The following IGSF11 variants were observed in gnomAD, a reference collection of about 807,000 sequenced individuals.
IGSF11 encodes the protein immunoglobulin superfamily member 11.
IGSF11 carries 22 observed loss-of-function variants against 41.0 expected under a neutral mutation model. That is an observed-to-expected ratio of 0.54 (90% CI 0.38 to 0.77). The LOEUF is 0.77. IGSF11 is among the 30% of genes least tolerant of loss of function. The pLI, the probability that IGSF11 is intolerant of heterozygous loss-of-function variation, is 0.00. For missense variants in IGSF11, 444 were observed against 530.8 expected, an observed-to-expected ratio of 0.84 and a Z score of 1.61; for synonymous variants, 219 against 201.3, an observed-to-expected ratio of 1.09 and a Z score of -0.74.
chr3:119,106,347 TC>T (rs914469235), upstream of IGSF11, among the ~76,000 whole-genome samples: 2 of 152,084 alleles, frequency 1.3e-5, no homozygotes, highest in African/African-American at 4.8e-5. Flanking sequence ...CATCACCATT[TC>T]CCCCCGAACT....
rs1408687187 is a variant in IGSF11, at chr3:118,917,568, A to G, written c.580+8533T>C. On this transcript the variant is annotated intron_variant, in intron 4 of 6. Transcript: ENST00000393775. ...CAAGACTAAACCAGGAAGAAGTTGA[A>G]TCTCTGAATAGACCAATAACAGGAG... Among the ~76,000 whole-genome samples, 227 of 115,954 alleles carry G rather than the reference A, an allele frequency of 2.0e-3. 1 individual carries two copies. Among genetic ancestry groups the G allele is most frequent in the African/African-American group, 7.9e-3 (199 of 25,222 alleles). 76.1% of individuals were successfully genotyped at this position (115,954 alleles called of 152,430 possible).
At chr3:119,065,765 C>G (rs1942211361) in intron 1 of IGSF11, among the ~76,000 whole-genome samples, 1 of 139,276 alleles carries the variant, frequency 7.2e-6, no homozygotes, top group Admixed American at 7.7e-5. Context: ...TGCACTCCAG[C>G]CTGGGTGACA....
chr3:118,997,533 C>A (rs73856930), intron 1 of IGSF11, among the ~76,000 whole-genome samples: 9 of 143,316 alleles, frequency 6.3e-5, no homozygotes, highest in East Asian at 2.3e-4. Flanking sequence ...GCTGCCCCCC[C>A]CCAGCCACAC....
At chr3:118,939,896 G>A (rs545960774) in intron 1 of IGSF11, among the ~76,000 whole-genome samples, 1 of 152,024 alleles carries the variant, frequency 6.6e-6, no homozygotes, top group Admixed American at 6.5e-5. Flanking sequence ...AAACAACAGG[G>A]TAAATCAATA....
At chr3:119,142,925 G>C (rs2077669063) in intron 1 of IGSF11, among the ~76,000 whole-genome samples, 1 of 152,134 alleles carries the variant, frequency 6.6e-6, no homozygotes. Context: ...ATTCATGGAA[G>C]TGAGAAAGCA....
chr3:119,126,760 C>A (rs1187762864), intron 1 of IGSF11, among the ~76,000 whole-genome samples: 1 of 152,092 alleles, frequency 6.6e-6, no homozygotes, highest in Non-Finnish European at 1.5e-5. Flanking sequence ...CCCCAGCAAA[C>A]TGCAGCAGCC....
chr3:118,953,008 G>A (rs1300969971), intron 1 of IGSF11, among the ~76,000 whole-genome samples: 4 of 152,020 alleles, frequency 2.6e-5, no homozygotes, highest in African/African-American at 9.7e-5. Flanking sequence ...CACCTGAGCA[G>A]TATACACTGT....
chr3:118,963,034 A>G (rs1945447491), intron 1 of IGSF11, among the ~76,000 whole-genome samples: 1 of 152,130 alleles, frequency 6.6e-6, no homozygotes, highest in African/African-American at 2.4e-5. Flanking sequence ...AGATGATTGG[A>G]CAATTAGAAG....
intron 1 of IGSF11, among the ~76,000 whole-genome samples, chr3:118,934,980 T>C (rs1943128586): frequency 6.6e-6 from 1 of 152,080 alleles, no homozygotes; most frequent in Non-Finnish European, 1.5e-5. Context: ...CTTAGTAACC[T>C]ACTCATCATT....
At chr3:119,108,442 TC>T (rs1208005779), upstream of IGSF11, among the ~76,000 whole-genome samples, 2 of 137,978 alleles carry the variant, frequency 1.4e-5, no homozygotes, top group East Asian at 4.3e-4. Flanking sequence ...TGATTTTGTA[TC>T]CTGAGACTTT....
intron 1 of IGSF11, among the ~76,000 whole-genome samples, chr3:119,029,842 T>C (rs935809863): frequency 6.6e-6 from 1 of 152,210 alleles, no homozygotes; most frequent in Non-Finnish European, 1.5e-5. Flanking sequence ...GGCCCCAATA[T>C]ATTAGAGTTA....
chr3:118,908,348 C>G (rs1403675834), intron 4 of IGSF11, among the ~76,000 whole-genome samples: 2 of 152,102 alleles, frequency 1.3e-5, no homozygotes, highest in Non-Finnish European at 2.9e-5. Context: ...GTAGATTTAA[C>G]TTGGAATATA....
At position 119,113,975 on chromosome 3, in the gene IGSF11, C is replaced by A. The variant is rs2077220939; in HGVS notation, c.-13-8770G>T. ...GGCTTACAGATTGCATCCTTTGAAGCAGTGACCTGAGACATATCTGGGGCC... is the reference window on the plus strand; with the variant it reads ...GGCTTACAGATTGCATCCTTTGAAGAAGTGACCTGAGACATATCTGGGGCC... On this transcript the variant is annotated intron_variant, in intron 1 of 7. Transcript: ENST00000425327. 1.3e-5 allele frequency among the ~76,000 whole-genome samples: 2 copies of A among 152,368 alleles called. 1 individual carries two copies. The highest frequency in any genetic ancestry group is 4.1e-4 in the South Asian group (2 of 4,834).
At chr3:118,983,839 A>G (rs1934983594) in intron 1 of IGSF11, among the ~76,000 whole-genome samples, 2 of 152,318 alleles carry the variant, frequency 1.3e-5, no homozygotes, top group Admixed American at 6.5e-5. Flanking sequence ...AAAAAGTAAT[A>G]TAATTATTTT....
intron 4 of IGSF11, among the ~76,000 whole-genome samples, chr3:118,910,678 C>A (rs1041227837): frequency 1.3e-5 from 2 of 152,198 alleles, no homozygotes; most frequent in Admixed American, 6.5e-5. Context: ...CTTTCACAAT[C>A]TGGACTTCAC....
In IGSF11 at chr3:118,902,556, C is replaced by T; in HGVS notation, c.1260G>A (p.Met420Ile). The T allele has an allele frequency of 6.2e-7, 1 of 1,611,984 alleles. No individual in the cohort carries two copies. Among genetic ancestry groups the T allele is most frequent in the East Asian group, 2.2e-5 (1 of 44,728 alleles). Residue 420 changes from methionine (M) to isoleucine (I), a missense_variant, in exon 7 of 7, where the codon ATG (methionine) becomes ATA (isoleucine). Coordinates refer to ENST00000393775, the MANE Select transcript of IGSF11 (RefSeq NM_001015887.3). ...ACCCGGCCCGACTCTGGGCTGGTAC[C>T]ATGACAGGTACTGCACCAATTCGTT... ...TLERIGAVPVMVPAQSRAGSL... is the reference protein window; with the variant it reads ...TLERIGAVPVIVPAQSRAGSL...
At chr3:119,112,248 C>T (rs531713829) in intron 1 of IGSF11, among the ~76,000 whole-genome samples, 1 of 152,332 alleles carries the variant, frequency 6.6e-6, no homozygotes, top group East Asian at 1.9e-4. Flanking sequence ...GGGCTCCACC[C>T]AGCTCGAGCT....
chr3:119,054,196 A>C (rs1053205527), intron 1 of IGSF11, among the ~76,000 whole-genome samples: 4 of 152,388 alleles, frequency 2.6e-5, no homozygotes, highest in Middle Eastern at 6.8e-3. Flanking sequence ...GCTTCTGCAC[A>C]GCAAAAGAAA....
chr3:119,139,312 T>A (rs2077606908), intron 1 of IGSF11, among the ~76,000 whole-genome samples: 1 of 152,118 alleles, frequency 6.6e-6, no homozygotes, highest in South Asian at 2.1e-4. Context: ...TTCAAATCCA[T>A]GTAAAGAATA....
Sources: gnomAD v4.1 joint callset for allele counts (sites outside exome capture counted in the v4.1 genomes callset) on GRCh38, gnomAD v4.1.1 for gene constraint, MANE v1.5 for transcripts, NCBI Gene and HGNC (gene_info 2026-07-23, HGNC 2026-07-21) for gene names.